The following LPP variants were observed in gnomAD, a reference collection of about 807,000 sequenced individuals.
LPP encodes LIM domain containing preferred translocation partner in lipoma.
A neutral mutation model predicts 60.4 loss-of-function variants in LPP; 38 were observed. That is an observed-to-expected ratio of 0.63 (90% CI 0.49 to 0.83). LPP has a LOEUF of 0.83. LPP is among the 40% of genes least tolerant of loss of function. The probability of loss-of-function intolerance (pLI) is 0.00; values close to 1 mark genes in which losing one functional copy is unlikely to be tolerated. For missense variants in LPP, 902 were observed against 783.6 expected (o/e 1.15, Z -1.80); for synonymous variants, 328 against 290.8 (o/e 1.13, Z -1.30).
intron 10 of LPP, among the ~76,000 whole-genome samples, chr3:188,868,451 AAAATT>A (rs1238101557): frequency 6.6e-6 from 1 of 152,194 alleles, no homozygotes; most frequent in African/African-American, 2.4e-5. Flanking sequence ...AAGGGGGAAA[AAAATT>A]AAAACCCCCA....
intron 2 of LPP, among the ~76,000 whole-genome samples, chr3:188,283,473 G>T (rs1006593932): frequency 7.2e-5 from 11 of 152,118 alleles, no homozygotes; most frequent in Admixed American, 5.2e-4. Context: ...TGATAAATCC[G>T]CCTCCCAACA....
At chr3:188,301,374 G>A (rs986694588) in intron 2 of LPP, among the ~76,000 whole-genome samples, 11 of 152,218 alleles carry the variant, frequency 7.2e-5, no homozygotes, top group Admixed American at 1.3e-4. Context: ...GGCCATTTTT[G>A]TTTCATTTCA....
At chr3:188,460,649 A>G (rs1579070647) in intron 4 of LPP, among the ~76,000 whole-genome samples, 1 of 152,230 alleles carries the variant, frequency 6.6e-6, no homozygotes, top group South Asian at 2.1e-4. Context: ...AGGTGTATGT[A>G]TAGGCTATGT....
chr3:188,169,510 G>A (rs138289872), intron 1 of LPP, among the ~76,000 whole-genome samples: 2,700 of 152,296 alleles, frequency 0.018, 40 homozygotes, highest in South Asian at 0.051. Flanking sequence ...AAGTGTTAAG[G>A]CTGTTTTATT....
At chr3:188,505,844 G>A (rs566497816) in intron 5 of LPP, among the ~76,000 whole-genome samples, 13 of 152,198 alleles carry the variant, frequency 8.5e-5, no homozygotes, top group African/African-American at 3.1e-4. Flanking sequence ...CCACTTAGTG[G>A]TTTAAAAAAT....
At chr3:188,503,859 A>G (rs1812673974) in intron 5 of LPP, among the ~76,000 whole-genome samples, 1 of 152,108 alleles carries the variant, frequency 6.6e-6, no homozygotes, top group South Asian at 2.1e-4. Context: ...GCAACTTTCA[A>G]AATTCTCCGG....
rs1301942098 is a variant in LPP at position 188,875,795 on chromosome 3, GC to G, written c.*1317del. On this transcript the variant is annotated 3_prime_UTR_variant, in exon 12 of 12. Coordinates refer to ENST00000617246, the MANE Select transcript of LPP (RefSeq NM_001375462.1). ...ACTTTTATTAGCCAGTGAAACACTT[GC>G]TTGCCAACTGCCAAGCCATACTTAT... The G allele has an allele frequency of 5.1e-6, 1 of 196,954 alleles. No homozygotes were observed. The highest frequency in any genetic ancestry group is 2.3e-5 in the African/African-American group (1 of 43,280). The allele number at this position is 196,954 out of a possible 1,614,324, so 12.2% of individuals were successfully genotyped here. A position where few individuals can be genotyped will look rare whatever the true frequency, so the allele number is the denominator to read the frequency against.
intron 1 of LPP, among the ~76,000 whole-genome samples, chr3:188,163,440 C>T (rs1718929660): frequency 2.0e-5 from 3 of 152,170 alleles, no homozygotes; most frequent in Admixed American, 2.0e-4. Flanking sequence ...GCGCAACTGT[C>T]AACTTGCAGA....
chr3:188,478,768 T>C (rs954156853), intron 4 of LPP, among the ~76,000 whole-genome samples: 5 of 152,176 alleles, frequency 3.3e-5, no homozygotes, highest in African/African-American at 1.2e-4. Context: ...GTTTTCTTCT[T>C]GTTTTGAGAT....
At chr3:188,210,207 A>G (rs888556456) in intron 1 of LPP, among the ~76,000 whole-genome samples, 1 of 152,222 alleles carries the variant, frequency 6.6e-6, no homozygotes, top group African/African-American at 2.4e-5. Context: ...AGGAGATACT[A>G]CCTCATTTTA....
intron 9 of LPP, among the ~76,000 whole-genome samples, chr3:188,832,938 T>C (rs1350558739): frequency 6.6e-6 from 1 of 152,182 alleles, no homozygotes; most frequent in African/African-American, 2.4e-5. Flanking sequence ...GAGGAAAATG[T>C]ATCTGGCAAG....
intron 3 of LPP, among the ~76,000 whole-genome samples, chr3:188,384,030 G>T (rs1445233186): frequency 6.6e-6 from 1 of 152,088 alleles, no homozygotes; most frequent in East Asian, 1.9e-4. Flanking sequence ...GATAAGTATG[G>T]TTTCTTTTCT....
intron 3 of LPP, among the ~76,000 whole-genome samples, chr3:188,381,175 C>A (rs1012818637): frequency 4.3e-5 from 6 of 137,976 alleles, no homozygotes; most frequent in African/African-American, 1.6e-4. Context: ...TAGCTGTTAA[C>A]GTGTGACACG....
At chr3:188,825,269 C>CTCTGTG (rs1463318065) in intron 9 of LPP, among the ~76,000 whole-genome samples, 2,679 of 101,642 alleles carry the variant, frequency 0.026, 103 homozygotes, top group East Asian at 0.16. Context: ...CTCTCTCTCT[C>CTCTGTG]TGTGTGTGTG....
At chr3:188,485,948 C>A (rs1010368163) in intron 5 of LPP, among the ~76,000 whole-genome samples, 4 of 151,808 alleles carry the variant, frequency 2.6e-5, no homozygotes, top group African/African-American at 9.7e-5. Flanking sequence ...ATTCCGTCTA[C>A]CTTTTAAAAA....
chr3:188,236,604 G>T (rs545845595), intron 2 of LPP, among the ~76,000 whole-genome samples: 1 of 152,224 alleles, frequency 6.6e-6, no homozygotes, highest in South Asian at 2.1e-4. Flanking sequence ...AAATATTGCA[G>T]TGAAGCGAGT....
At chr3:188,828,785 T>A (rs953944308) in intron 9 of LPP, among the ~76,000 whole-genome samples, 2 of 152,078 alleles carry the variant, frequency 1.3e-5, no homozygotes, top group Non-Finnish European at 2.9e-5. Context: ...ATGACACATG[T>A]AACACAATCA....
At chr3:188,258,250 C>T (rs1732330620) in intron 2 of LPP, among the ~76,000 whole-genome samples, 1 of 152,226 alleles carries the variant, frequency 6.6e-6, no homozygotes, top group East Asian at 1.9e-4. Flanking sequence ...CTTCCCTTCC[C>T]TTTGAACATT....
At chr3:188,806,156 A>G (rs1191210061) in intron 9 of LPP, among the ~76,000 whole-genome samples, 2 of 151,842 alleles carry the variant, frequency 1.3e-5, no homozygotes, top group East Asian at 1.9e-4. Flanking sequence ...TTTTCAGTAA[A>G]TTATTAGAGG....
Sources: gnomAD v4.1 joint callset for allele counts (sites outside exome capture counted in the v4.1 genomes callset) on GRCh38, gnomAD v4.1.1 for gene constraint, MANE v1.5 for transcripts, NCBI Gene and HGNC (gene_info 2026-07-23, HGNC 2026-07-21) for gene names.